PHF21B: variants seen among roughly 807,000 people sequenced by gnomAD.
The protein encoded by PHF21B is PHD finger protein 21B, also known as PHD finger protein 4.
PHF21B carries 22 observed loss-of-function variants against 62.2 expected under a neutral mutation model. That is an observed-to-expected ratio of 0.35 (90% CI 0.25 to 0.51). The LOEUF is 0.51. Ranked by LOEUF, PHF21B falls within the 20% of genes least tolerant of loss-of-function variation. The pLI is 0.97. For missense variants in PHF21B, 701 were observed against 707.9 expected, an observed-to-expected ratio of 0.99 and a Z score of 0.11; for synonymous variants, 341 against 314.7, an observed-to-expected ratio of 1.08 and a Z score of -0.88.
chr22:44,901,747 T>C (rs768333883), intron 5 of PHF21B: 52 of 356,278 alleles, frequency 1.5e-4, no homozygotes, highest in Admixed American at 2.2e-4. Context: ...TTGGCAGATA[T>C]TCCCAATCTG....
chr22:44,956,229 G>A (rs2072294395), intron 2 of PHF21B, among the ~76,000 whole-genome samples: 1 of 152,202 alleles, frequency 6.6e-6, no homozygotes. Flanking sequence ...TGGGGAGGGG[G>A]ATTTTGCCTG....
chr22:44,891,222 C>T (rs2070958019), intron 8 of PHF21B, 84 bp downstream of exon 8: 7 of 1,509,456 alleles, frequency 4.6e-6, no homozygotes, highest in Non-Finnish European at 6.4e-6. Flanking sequence ...CAGCCCTGCC[C>T]AGGCCCAGGC....
intron 2 of PHF21B, among the ~76,000 whole-genome samples, chr22:44,967,451 G>A (rs1400028982): frequency 1.3e-5 from 2 of 152,126 alleles, no homozygotes; most frequent in African/African-American, 4.8e-5. Context: ...TCGATCTCCT[G>A]ACCTCATGAT....
chr22:44,894,740 G>A (rs2071026965), intron 6 of PHF21B, among the ~76,000 whole-genome samples: 1 of 152,174 alleles, frequency 6.6e-6, no homozygotes, highest in South Asian at 2.1e-4. Context: ...CTCTTCCCTG[G>A]CTCTCCCCAT....
intron 5 of PHF21B, 67 bp downstream of exon 5, chr22:44,913,755 C>A: frequency 6.5e-7 from 1 of 1,541,616 alleles, no homozygotes. Context: ...CCCCGCTATA[C>A]ACAGCGGCCT....
At chr22:44,888,177 C>T (rs747924167) in intron 9 of PHF21B, 56 bp from the exon 10 acceptor site, 24 of 1,431,944 alleles carry the variant, frequency 1.7e-5, no homozygotes, top group Admixed American at 2.6e-5. Context: ...CAGCGGGGGC[C>T]GGTCAGCCAG....
chr22:44,966,263 C>T (rs930502414), intron 2 of PHF21B, among the ~76,000 whole-genome samples: 19 of 152,248 alleles, frequency 1.2e-4, no homozygotes, highest in Admixed American at 1.1e-3. Flanking sequence ...ACGCGACGAG[C>T]CCTGCTGCTC....
intron 2 of PHF21B, among the ~76,000 whole-genome samples, chr22:44,931,650 G>T (rs994305589): frequency 2.7e-5 from 4 of 150,018 alleles, no homozygotes; most frequent in Non-Finnish European, 5.9e-5. Context: ...TGGGGGGGGG[G>T]TGTCAAAAAA....
chr22:44,914,957 T>C (rs1569224936), intron 4 of PHF21B, among the ~76,000 whole-genome samples: 3 of 152,234 alleles, frequency 2.0e-5, no homozygotes, highest in African/African-American at 7.2e-5. Flanking sequence ...AGAAGAATTC[T>C]CCAGGATCCA....
In PHF21B at chr22:44,881,398, A is replaced by G. The variant is rs901716862; in HGVS notation, c.*1688T>C. The G allele has an allele frequency of 6.6e-6, 1 of 152,630 alleles. No individual in the cohort carries two copies. The highest frequency in any genetic ancestry group is 1.5e-5 in the Non-Finnish European group (1 of 68,048). The allele number at this position is 152,630 out of a possible 1,614,324, so 9.5% of individuals were successfully genotyped here. ...ATCCATCCGCGAAGAAAACCAAACC[A>G]ACAGAAAAGGAAGCTGAAGACATGG... On this transcript the variant is annotated 3_prime_UTR_variant, in exon 13 of 13. Coordinates refer to ENST00000313237, the MANE Select transcript of PHF21B (RefSeq NM_138415.5).
intron 2 of PHF21B, among the ~76,000 whole-genome samples, chr22:44,942,715 C>G (rs6007395): frequency 2.6e-5 from 4 of 152,072 alleles, no homozygotes; most frequent in African/African-American, 9.6e-5. Context: ...GCCCAGCGCA[C>G]GAGCTGTCGG....
chr22:44,884,803 TATC>T (rs376820179), intron 12 of PHF21B, among the ~76,000 whole-genome samples: 12 of 147,876 alleles, frequency 8.1e-5, no homozygotes, highest in South Asian at 2.2e-4. Flanking sequence ...ACCAACACCA[TATC>T]ATCATCACCA....
intron 7 of PHF21B, among the ~76,000 whole-genome samples, chr22:44,891,809 A>C (rs2147256266): frequency 6.6e-6 from 1 of 152,360 alleles, no homozygotes; most frequent in African/African-American, 2.4e-5. Flanking sequence ...ATGTGGACAA[A>C]GGTTTCTGGA....
rs546458632 is a variant in PHF21B at position 44,891,555 on chromosome 22, G to A, written c.961-195C>T. On this transcript the variant is annotated intron_variant, in intron 7 of 12. Transcript: ENST00000313237. ...AGCACGCAGGAATGGCTGAGGATGG[G>A]GCGGGGCGGGGCAGGGAAGTCGGCA... Among the ~76,000 whole-genome samples the A allele has an allele frequency of 3.0e-3, 452 of 152,240 alleles. 3 individuals carry two copies. Among genetic ancestry groups the A allele is most frequent in the African/African-American group, 0.011 (444 of 41,562 alleles).
intron 2 of PHF21B, among the ~76,000 whole-genome samples, chr22:44,934,906 G>A (rs978535923): frequency 6.6e-6 from 1 of 152,178 alleles, no homozygotes; most frequent in African/African-American, 2.4e-5. Flanking sequence ...GCCATCCTGG[G>A]AAGTGTCCCA....
At chr22:44,931,200 A>T (rs1409481328) in intron 2 of PHF21B, among the ~76,000 whole-genome samples, 3 of 152,228 alleles carry the variant, frequency 2.0e-5, no homozygotes, top group Non-Finnish European at 4.4e-5. Flanking sequence ...AATTACAGGC[A>T]TGAGCCACCA....
intron 5 of PHF21B, among the ~76,000 whole-genome samples, chr22:44,900,660 A>T (rs2071141945): frequency 6.6e-6 from 1 of 152,162 alleles, no homozygotes; most frequent in Admixed American, 6.5e-5. Context: ...CTGCAAATGA[A>T]ATCCTTGGCT....
chr22:44,888,606 A>T (rs140566286), intron 9 of PHF21B, among the ~76,000 whole-genome samples: 2,062 of 152,284 alleles, frequency 0.014, 37 homozygotes, highest in East Asian at 0.041. Flanking sequence ...AGCCCCGGCC[A>T]AGACCCTGTA....
chr22:44,898,540 C>T, intron 5 of PHF21B, among the ~76,000 whole-genome samples: 1 of 152,104 alleles, frequency 6.6e-6, no homozygotes, highest in East Asian at 1.9e-4. Flanking sequence ...AATCAGACTC[C>T]ACTCAGGCAG....
Sources: gnomAD v4.1 joint callset for allele counts (sites outside exome capture counted in the v4.1 genomes callset) on GRCh38, gnomAD v4.1.1 for gene constraint, MANE v1.5 for transcripts, NCBI Gene and HGNC (gene_info 2026-07-23, HGNC 2026-07-21) for gene names.